The following VPS50 variants were observed in gnomAD, a reference collection of about 807,000 sequenced individuals.
VPS50 encodes the protein syndetin.
Under a neutral mutation model 139.7 loss-of-function variants are expected in VPS50, and 70 were observed. That is an observed-to-expected ratio of 0.50 (90% confidence interval 0.41 to 0.61). VPS50 has a LOEUF of 0.61. VPS50 is among the 20% of genes least tolerant of loss of function. VPS50 has a pLI of 0.00. For missense variants in VPS50, 921 were observed against 1,133.7 expected, an observed-to-expected ratio of 0.81 and a Z score of 2.69; for synonymous variants, 365 against 376.7, an observed-to-expected ratio of 0.97 and a Z score of 0.36.
At chr7:93,290,411 G>T (rs1796614937) in intron 12 of VPS50, among the ~76,000 whole-genome samples, 1 of 145,276 alleles carries the variant, frequency 6.9e-6, no homozygotes, top group Non-Finnish European at 1.5e-5. Flanking sequence ...TGGAGATAAT[G>T]GGCATCTTTT....
At chr7:93,323,822 C>CAAAT in intron 21 of VPS50, 90 bp downstream of exon 21, 2 of 598,442 alleles carry the variant, frequency 3.3e-6, no homozygotes, top group Non-Finnish European at 5.1e-6. Flanking sequence ...AGAAGATACA[C>CAAAT]AAATAACATT....
Position 93,350,028 on chromosome 7 carries a change from T to C in VPS50, c.2458T>C (p.Leu820=). ...GCACAACATATATGTAGATGCACTA[T>C]TAAAGGCAAGTGTTCTGGGAAGCAC... ...SQHNIYVDAL[L]KEFEQFNRRL... Residue 820 remains leucine (L), a synonymous_variant, in exon 25 of 28, where the codon TTA becomes CTA. Transcript: ENST00000305866. 2 of 1,611,038 alleles carry C rather than the reference T, an allele frequency of 1.2e-6. No homozygotes were observed. Among genetic ancestry groups the C allele is most frequent in the East Asian group, 4.5e-5 (2 of 44,798 alleles).
rs138268240 is a variant in VPS50, at chr7:93,331,635, C to G, written c.1978-2482C>G. ...AAGAAGTTCCAAAACTATGAAACTT[C>G]TAGAAAAAACTAGGAGAAAATCTTT... On this transcript the variant is annotated intron_variant, in intron 21 of 27. Transcript: ENST00000305866. 2.9e-3 allele frequency among the ~76,000 whole-genome samples: 446 copies of G among 152,118 alleles called. 1 individual carries two copies. The highest frequency in any genetic ancestry group is 0.01 in the African/African-American group (428 of 41,504).
In VPS50 at chr7:93,322,947, G is replaced by A. The variant is rs991344591; in HGVS notation, c.1856-664G>A. 2.0e-5 allele frequency among the ~76,000 whole-genome samples: 3 copies of A among 152,220 alleles called. No individual in the cohort carries two copies. The East Asian group carries it at 5.8e-4, about 29-fold the overall frequency. On this transcript the variant is annotated intron_variant, in intron 20 of 27. Transcript: ENST00000305866. ...TCTGATTATATATTTAGAGGAAAAG[G>A]AATGGGATATTGGCATCTTCCAAAA...
At chr7:93,342,573 T>C (rs1234094329) in intron 23 of VPS50, among the ~76,000 whole-genome samples, 5 of 152,188 alleles carry the variant, frequency 3.3e-5, no homozygotes, top group Admixed American at 1.3e-4. Flanking sequence ...GACTTAAATG[T>C]CCCTGTCTGA....
intron 20 of VPS50, among the ~76,000 whole-genome samples, chr7:93,311,998 T>C (rs757987828): frequency 3.9e-5 from 6 of 152,156 alleles, no homozygotes; most frequent in Admixed American, 3.9e-4. Flanking sequence ...ATATTCTATC[T>C]ATGGAGATGG....
At chr7:93,319,994 G>A (rs1446648461) in intron 20 of VPS50, among the ~76,000 whole-genome samples, 1 of 151,578 alleles carries the variant, frequency 6.6e-6, no homozygotes, top group African/African-American at 2.4e-5. Context: ...TTTTTAGCTT[G>A]AATTATTCTG....
intron 23 of VPS50, among the ~76,000 whole-genome samples, chr7:93,344,791 A>G (rs1000542359): frequency 9.2e-5 from 14 of 152,100 alleles, no homozygotes; most frequent in Non-Finnish European, 2.1e-4. Flanking sequence ...AAGAACAAAG[A>G]CACAACATAC....
intron 16 of VPS50, 111 bp from the exon 17 acceptor site, chr7:93,303,349 T>C (rs1011772876): frequency 8.8e-6 from 4 of 456,028 alleles, no homozygotes; most frequent in Non-Finnish European, 1.6e-5. Context: ...AAGTTGATTA[T>C]GATCATGACA....
At chr7:93,253,776 T>C in intron 3 of VPS50, 84 bp from the exon 4 acceptor site, 1 of 727,670 alleles carries the variant, frequency 1.4e-6, no homozygotes, top group Non-Finnish European at 2.4e-6. Context: ...CAGTTTGTAG[T>C]TCACTAGTCA....
chr7:93,255,730 T>C (rs1019494246), intron 4 of VPS50, among the ~76,000 whole-genome samples: 2 of 152,214 alleles, frequency 1.3e-5, no homozygotes, highest in Non-Finnish European at 2.9e-5. Context: ...TTGAAGCAGA[T>C]TAAGAAAATG....
At chr7:93,336,045 A>G (rs745424921) in intron 22 of VPS50, among the ~76,000 whole-genome samples, 17 of 152,134 alleles carry the variant, frequency 1.1e-4, no homozygotes, top group Non-Finnish European at 4.4e-5. Context: ...TCTTCACTTC[A>G]TTAATTTGCA....
At chr7:93,289,758 A>G (rs570445695) in intron 12 of VPS50, among the ~76,000 whole-genome samples, 1 of 152,126 alleles carries the variant, frequency 6.6e-6, no homozygotes, top group South Asian at 2.1e-4. Flanking sequence ...ACTATTTGTA[A>G]AGAAAACACT....
chr7:93,347,996 A>G (rs1012941750), intron 23 of VPS50, among the ~76,000 whole-genome samples: 3 of 151,460 alleles, frequency 2.0e-5, no homozygotes, highest in South Asian at 2.1e-4. Context: ...AAAAAAAAGA[A>G]AAAAAAAAGA....
intron 2 of VPS50, among the ~76,000 whole-genome samples, chr7:93,242,254 C>T (rs902669479): frequency 6.6e-6 from 1 of 151,612 alleles, no homozygotes; most frequent in African/African-American, 2.4e-5. Context: ...GTCAAAACTT[C>T]CCTGCTGTCA....
At chr7:93,271,540 T>C (rs1796010753) in intron 10 of VPS50, among the ~76,000 whole-genome samples, 1 of 151,772 alleles carries the variant, frequency 6.6e-6, no homozygotes, top group Non-Finnish European at 1.5e-5. Flanking sequence ...AATTATATAA[T>C]AGCCAAAATA....
At chr7:93,296,086 CAT>C (rs1796801741) in intron 14 of VPS50, among the ~76,000 whole-genome samples, 1 of 152,084 alleles carries the variant, frequency 6.6e-6, no homozygotes, top group Non-Finnish European at 1.5e-5. Context: ...ATTTTGAAAA[CAT>C]AAATTTCTTC....
chr7:93,268,292 G>A (rs891212891), intron 9 of VPS50, among the ~76,000 whole-genome samples: 2 of 152,076 alleles, frequency 1.3e-5, no homozygotes, highest in African/African-American at 4.8e-5. Flanking sequence ...TAAAATAGGT[G>A]TGTTACATAT....
intron 20 of VPS50, among the ~76,000 whole-genome samples, chr7:93,315,397 A>G (rs536155046): frequency 2.1e-4 from 32 of 152,326 alleles, no homozygotes; most frequent in African/African-American, 7.5e-4. Context: ...AGATAGAGCT[A>G]TAGAACAAAT....
Sources: allele counts gnomAD v4.1 joint callset (sites outside exome capture counted in the v4.1 genomes callset), GRCh38; gene constraint gnomAD v4.1.1; transcripts MANE v1.5; gene names NCBI Gene and HGNC (gene_info 2026-07-23, HGNC 2026-07-21).